PSMD1: variants seen among roughly 807,000 people sequenced by gnomAD.
The protein encoded by PSMD1 is 26S proteasome non-ATPase regulatory subunit 1.
A neutral mutation model predicts 119.0 loss-of-function variants in PSMD1; 18 were observed. The observed-to-expected ratio is 0.15, with a 90% CI of 0.10 to 0.22. PSMD1 has a LOEUF of 0.22. Ranked by LOEUF, PSMD1 falls within the 10% of genes least tolerant of loss-of-function variation. PSMD1 has a pLI of 1.00. For missense variants in PSMD1, 702 were observed against 1,158.5 expected, an observed-to-expected ratio of 0.61 and a Z score of 5.72; for synonymous variants, 374 against 396.6, an observed-to-expected ratio of 0.94 and a Z score of 0.68.
At chr2:231,078,393 A>T (rs570407178) in intron 9 of PSMD1, among the ~76,000 whole-genome samples, 2 of 151,090 alleles carry the variant, frequency 1.3e-5, no homozygotes, top group African/African-American at 5.0e-5. Flanking sequence ...TAATTAAACC[A>T]AAGAATAGAA....
chr2:231,060,099 G>A (rs1055413954), intron 1 of PSMD1, among the ~76,000 whole-genome samples: 16 of 152,158 alleles, frequency 1.1e-4, no homozygotes, highest in African/African-American at 3.1e-4. Flanking sequence ...AAGCATTCTG[G>A]CCTGTCATCT....
At chr2:231,112,944 C>T (rs1305530220) in intron 16 of PSMD1, among the ~76,000 whole-genome samples, 9 of 152,168 alleles carry the variant, frequency 5.9e-5, no homozygotes, top group East Asian at 5.8e-4. Flanking sequence ...GCAGGGGGAT[C>T]GCCAGAGCTC....
chr2:231,096,663 T>C (rs1331909169), intron 16 of PSMD1, among the ~76,000 whole-genome samples: 2 of 152,234 alleles, frequency 1.3e-5, no homozygotes, highest in Non-Finnish European at 2.9e-5. Context: ...GTTACTTCTA[T>C]AGAAGGGTGC....
chr2:231,066,186 C>T (rs1034151178), intron 4 of PSMD1, among the ~76,000 whole-genome samples: 3 of 152,130 alleles, frequency 2.0e-5, no homozygotes, highest in Non-Finnish European at 2.9e-5. Context: ...TGTCATTAAG[C>T]GACACAGGAC....
chr2:231,124,726 G>A (rs538064253), intron 16 of PSMD1, among the ~76,000 whole-genome samples: 2 of 152,078 alleles, frequency 1.3e-5, no homozygotes, highest in South Asian at 2.1e-4. Flanking sequence ...GTTTTAAGTA[G>A]TGTTTATTTT....
At chr2:231,129,072 A>G (rs1282131269) in intron 16 of PSMD1, among the ~76,000 whole-genome samples, 1 of 152,224 alleles carries the variant, frequency 6.6e-6, no homozygotes. Flanking sequence ...TCAACTCTGC[A>G]TGTCCTCAGT....
At chr2:231,097,444 T>A (rs917781939) in intron 16 of PSMD1, among the ~76,000 whole-genome samples, 2 of 152,222 alleles carry the variant, frequency 1.3e-5, no homozygotes, top group African/African-American at 2.4e-5. Context: ...GGGATAAAGG[T>A]GCAACATTGA....
At chr2:231,096,428 G>T (rs529501362) in intron 16 of PSMD1, among the ~76,000 whole-genome samples, 3 of 152,260 alleles carry the variant, frequency 2.0e-5, no homozygotes, top group African/African-American at 7.2e-5. Flanking sequence ...GACCAAAGCA[G>T]CCCTGACTAA....
chr2:231,060,011 C>T (rs781463297), intron 1 of PSMD1, among the ~76,000 whole-genome samples: 15 of 152,148 alleles, frequency 9.9e-5, no homozygotes, highest in Non-Finnish European at 1.6e-4. Context: ...TGGTAAAAGC[C>T]GTTCAAATAC....
At chr2:231,143,048 G>A (rs1696165034) in intron 17 of PSMD1, among the ~76,000 whole-genome samples, 3 of 152,064 alleles carry the variant, frequency 2.0e-5, no homozygotes, top group South Asian at 4.1e-4. Context: ...AATCTTACAA[G>A]CCTATTACTC....
At chr2:231,089,975 C>T (rs942287261) in intron 16 of PSMD1, among the ~76,000 whole-genome samples, 2 of 152,182 alleles carry the variant, frequency 1.3e-5, no homozygotes, top group Admixed American at 6.5e-5. Context: ...GTCAAGTTGA[C>T]ACTCAGTATT....
intron 12 of PSMD1, among the ~76,000 whole-genome samples, chr2:231,080,908 C>T (rs1452104040): frequency 1.3e-5 from 2 of 151,926 alleles, no homozygotes; most frequent in Non-Finnish European, 2.9e-5. Context: ...TTTGGAAGGC[C>T]GAGGCGGGTG....
At chr2:231,080,066 G>A (rs2125169835) in intron 11 of PSMD1, 75 bp from the exon 12 acceptor site, 2 of 1,331,346 alleles carry the variant, frequency 1.5e-6, no homozygotes, top group African/African-American at 1.5e-5. Context: ...GGAAAAGGCA[G>A]TAATCATAGA....
chr2:231,134,746 A>T (rs1331931648), intron 16 of PSMD1, among the ~76,000 whole-genome samples: 1 of 152,092 alleles, frequency 6.6e-6, no homozygotes, highest in Admixed American at 6.5e-5. Flanking sequence ...CCCATTCAAG[A>T]CTCAATTAGC....
chr2:231,090,067 T>G (rs566027097), intron 16 of PSMD1, among the ~76,000 whole-genome samples: 1 of 152,346 alleles, frequency 6.6e-6, no homozygotes, highest in African/African-American at 2.4e-5. Context: ...AGAAAAAAGA[T>G]TCTTTTCAAA....
rs906687806 is a variant in PSMD1 at position 231,092,565 on chromosome 2, C to T, written c.1883+5384C>T. Among the ~76,000 whole-genome samples, 11 of 152,282 alleles carry T rather than the reference C, an allele frequency of 7.2e-5. 1 individual carries two copies. The South Asian group carries it at 1.2e-3, about 17-fold the overall frequency. ...GGACTCTCCTTGGGATCTGGGATATCCCGTCCCTCCATCGGCCCAAATTGT... is the reference window on the plus strand; with the variant it reads ...GGACTCTCCTTGGGATCTGGGATATTCCGTCCCTCCATCGGCCCAAATTGT... On this transcript the variant is annotated intron_variant, in intron 16 of 24. Coordinates refer to ENST00000308696, the MANE Select transcript of PSMD1 (RefSeq NM_002807.4).
At chr2:231,079,117 T>C (rs1217586801) in intron 10 of PSMD1, among the ~76,000 whole-genome samples, 2 of 152,194 alleles carry the variant, frequency 1.3e-5, no homozygotes, top group Admixed American at 6.5e-5. Flanking sequence ...TAACAGACAC[T>C]GTGTTAACAT....
intron 16 of PSMD1, among the ~76,000 whole-genome samples, chr2:231,132,609 C>T (rs1695879025): frequency 6.6e-6 from 1 of 152,060 alleles, no homozygotes; most frequent in Non-Finnish European, 1.5e-5. Flanking sequence ...ACTCCACCGA[C>T]TCTCCCCAGC....
intron 4 of PSMD1, among the ~76,000 whole-genome samples, chr2:231,065,227 A>G (rs1018583928): frequency 6.6e-6 from 1 of 151,604 alleles, no homozygotes; most frequent in Admixed American, 6.6e-5. Context: ...GGAGAGGATA[A>G]TTAATGTATA....
Sources: allele counts gnomAD v4.1 joint callset (sites outside exome capture counted in the v4.1 genomes callset), GRCh38; gene constraint gnomAD v4.1.1; transcripts MANE v1.5; gene names NCBI Gene and HGNC (gene_info 2026-07-23, HGNC 2026-07-21).